CDK19: variants seen among roughly 807,000 people sequenced by gnomAD.
CDK19 encodes the protein cyclin dependent kinase 19.
In CDK19, 20 loss-of-function variants were observed where a neutral mutation model predicts 68.3. That is an observed-to-expected ratio of 0.29 (90% CI 0.21 to 0.43). The LOEUF is 0.43. CDK19 is among the 20% of genes least tolerant of loss of function. The pLI, the probability that CDK19 is intolerant of heterozygous loss-of-function variation, is 1.00. For synonymous variants in CDK19, 221 were observed against 222.8 expected (o/e 0.99, Z 0.07); for missense variants, 339 against 623.5 (o/e 0.54, Z 4.86).
intron 2 of CDK19, among the ~76,000 whole-genome samples, chr6:110,737,628 T>C (rs1400169038): frequency 6.6e-6 from 1 of 152,174 alleles, no homozygotes; most frequent in African/African-American, 2.4e-5. Context: ...TAAAAAATGC[T>C]ACAGTGTAGT....
At chr6:110,720,458 G>T (rs369944323) in intron 2 of CDK19, among the ~76,000 whole-genome samples, 1 of 152,154 alleles carries the variant, frequency 6.6e-6, no homozygotes, top group Non-Finnish European at 1.5e-5. Context: ...ACTGTTTTAC[G>T]TCTCAATGGT....
chr6:110,789,938 C>T (rs1427708502), intron 1 of CDK19, among the ~76,000 whole-genome samples: 1 of 152,152 alleles, frequency 6.6e-6, no homozygotes, highest in Non-Finnish European at 1.5e-5. Flanking sequence ...AGTGGACCTG[C>T]ACAGTTCAAA....
intron 2 of CDK19, among the ~76,000 whole-genome samples, chr6:110,680,652 C>T (rs922255253): frequency 2.0e-5 from 3 of 152,108 alleles, no homozygotes; most frequent in East Asian, 3.9e-4. Flanking sequence ...AATATATATA[C>T]TAAAATATTT....
In CDK19 at chr6:110,621,052, A is replaced by C. The variant is rs1355918581; in HGVS notation, c.1377+52T>G. On this transcript the variant is annotated intron_variant, in intron 12 of 12. Coordinates refer to ENST00000368911, the MANE Select transcript of CDK19 (RefSeq NM_015076.5). This position sits in a 1 kb window ranked among gnomAD's most constrained non-coding sequence, Gnocchi z 5.4. ...CTTAACTCTAAAAGGATCTAGGATAAATCTTTTCCCCACTTCATAAAGCAT... is the reference window on the plus strand; with the variant it reads ...CTTAACTCTAAAAGGATCTAGGATACATCTTTTCCCCACTTCATAAAGCAT... The C allele has an allele frequency of 2.0e-6, 3 of 1,528,500 alleles. No individual in the cohort carries two copies. The highest frequency in any genetic ancestry group is 1.3e-5 in the South Asian group (1 of 79,856). The allele number at this position is 1,528,500 out of a possible 1,614,324, so 94.7% of individuals were successfully genotyped here.
At chr6:110,814,941 C>T (rs771739547) in intron 1 of CDK19, 68 bp downstream of exon 1, 3 of 1,591,012 alleles carry the variant, frequency 1.9e-6, no homozygotes, top group Non-Finnish European at 2.6e-6. Context: ...ATCCGACCCA[C>T]CCATCCCGCC....
At chr6:110,772,352 A>G (rs1298202080) in intron 1 of CDK19, among the ~76,000 whole-genome samples, 1 of 152,120 alleles carries the variant, frequency 6.6e-6, no homozygotes. Context: ...ATTCACTACC[A>G]TGAGAGCAGT....
At chr6:110,699,614 G>T (rs1396564546) in intron 2 of CDK19, among the ~76,000 whole-genome samples, 1 of 151,812 alleles carries the variant, frequency 6.6e-6, no homozygotes, top group Non-Finnish European at 1.5e-5. Context: ...CTATATATTG[G>T]TTATAATGTA....
intron 4 of CDK19, among the ~76,000 whole-genome samples, chr6:110,650,239 T>G (rs938328697): frequency 1.3e-5 from 2 of 152,156 alleles, no homozygotes; most frequent in African/African-American, 4.8e-5. Flanking sequence ...TATCTTTAAG[T>G]AGAAGAAAGT....
chr6:110,714,471 C>G (rs1026523671), intron 2 of CDK19, among the ~76,000 whole-genome samples: 1 of 152,112 alleles, frequency 6.6e-6, no homozygotes, highest in African/African-American at 2.4e-5. Flanking sequence ...TTTTGAGGAA[C>G]CACCAAAATG....
chr6:110,761,104 G>C (rs1047440680), intron 1 of CDK19, among the ~76,000 whole-genome samples: 7 of 152,066 alleles, frequency 4.6e-5, no homozygotes, highest in Non-Finnish European at 1.0e-4. Context: ...TAAGCAATCT[G>C]GGTTGGTGTT....
intron 1 of CDK19, among the ~76,000 whole-genome samples, chr6:110,764,316 G>A (rs74924620): frequency 0.014 from 2,145 of 152,104 alleles, 51 homozygotes; most frequent in African/African-American, 0.049. Context: ...TGAAGGAGAA[G>A]AACAAAGTTG....
intron 1 of CDK19, among the ~76,000 whole-genome samples, chr6:110,769,254 A>G (rs1235733323): frequency 6.6e-6 from 1 of 151,708 alleles, no homozygotes; most frequent in African/African-American, 2.4e-5. Context: ...GTGTCTCAGT[A>G]AAGCAAGATG....
chr6:110,701,781 T>C (rs1327987707), intron 2 of CDK19, among the ~76,000 whole-genome samples: 41 of 152,038 alleles, frequency 2.7e-4, no homozygotes, highest in Admixed American at 2.7e-3. Flanking sequence ...AAGGAACTGG[T>C]TGAAGAAATT....
At chr6:110,787,109 C>T (rs542361695) in intron 1 of CDK19, among the ~76,000 whole-genome samples, 6 of 152,292 alleles carry the variant, frequency 3.9e-5, no homozygotes, top group Admixed American at 6.5e-5. Flanking sequence ...CGGTGGCTCA[C>T]ACCTGTAATC....
intron 1 of CDK19, among the ~76,000 whole-genome samples, chr6:110,749,608 C>T (rs1044888720): frequency 6.6e-6 from 1 of 151,578 alleles, no homozygotes; most frequent in East Asian, 2.0e-4. Context: ...GATCCGCCCA[C>T]CTCAGCCTCC....
chr6:110,753,820 C>T (rs1432427294), intron 1 of CDK19, among the ~76,000 whole-genome samples: 4 of 151,930 alleles, frequency 2.6e-5, no homozygotes, highest in Non-Finnish European at 5.9e-5. Context: ...TGAATTTGCA[C>T]ATCAATATAC....
chr6:110,801,135 G>A (rs1414031723), intron 1 of CDK19, among the ~76,000 whole-genome samples: 3 of 151,936 alleles, frequency 2.0e-5, no homozygotes, highest in Admixed American at 6.6e-5. Context: ...AAAATCAATC[G>A]CATTTCTATA....
At chr6:110,721,148 G>A (rs955806405) in intron 2 of CDK19, among the ~76,000 whole-genome samples, 2 of 152,140 alleles carry the variant, frequency 1.3e-5, no homozygotes, top group African/African-American at 4.8e-5. Flanking sequence ...GCTGAGGCAG[G>A]AGAATCGCTT....
rs546100868 is a variant in CDK19 at position 110,613,507 on chromosome 6, C to T, written c.*1028G>A. On this transcript the variant is annotated 3_prime_UTR_variant, in exon 13 of 13. Coordinates refer to ENST00000368911, the MANE Select transcript of CDK19 (RefSeq NM_015076.5). ...AAGCAGATTAATTTTCAGGCTTCTACTTGAGTAACCTTGATTATGCAAGAA... is the reference window on the plus strand; with the variant it reads ...AAGCAGATTAATTTTCAGGCTTCTATTTGAGTAACCTTGATTATGCAAGAA... 2.0e-5 allele frequency: 3 copies of T among 152,670 alleles called. No individual in the cohort carries two copies. In the South Asian group the frequency reaches 6.2e-4, roughly 32 times the overall value. 9.5% of individuals were successfully genotyped at this position (152,670 alleles called of 1,614,324 possible). A position where few individuals can be genotyped will look rare whatever the true frequency, so the allele number is the denominator to read the frequency against.
Sources: gnomAD v4.1 joint callset for allele counts (sites outside exome capture counted in the v4.1 genomes callset) on GRCh38, gnomAD v4.1.1 for gene constraint, Gnocchi (gnomAD v3.1) non-coding constraint, MANE v1.5 for transcripts, NCBI Gene and HGNC (gene_info 2026-07-23, HGNC 2026-07-21) for gene names.